MAP2: variants seen among roughly 807,000 people sequenced by gnomAD.
The protein encoded by MAP2 is microtubule associated protein 2, also known as microtubule-associated protein 2.
Under a neutral mutation model 137.6 loss-of-function variants are expected in MAP2, and 14 were observed. The ratio of observed to expected loss-of-function variants is 0.10; its 90% CI spans 0.07 to 0.16. MAP2 has a LOEUF of 0.16. Among genes scored for constraint, MAP2 ranks in the 10% least tolerant of loss-of-function variants. MAP2 has a pLI of 1.00. For synonymous variants in MAP2, 786 were observed against 782.3 expected, an observed-to-expected ratio of 1.00 and a Z score of -0.08; for missense variants, 2,088 against 2,191.5, an observed-to-expected ratio of 0.95 and a Z score of 0.94.
At chr2:209,637,039 A>G (rs965424311) in intron 4 of MAP2, among the ~76,000 whole-genome samples, 3 of 152,156 alleles carry the variant, frequency 2.0e-5, no homozygotes, top group Non-Finnish European at 4.4e-5. Context: ...TCTAAAAATC[A>G]CAGAATGCCA....
At chr2:209,704,123 C>G (rs1256691598) in intron 11 of MAP2, 1 of 449,020 alleles carries the variant, frequency 2.2e-6, no homozygotes, top group Non-Finnish European at 4.4e-6. Context: ...ATCCTTCCCC[C>G]ACTTTTGGAG....
chr2:209,675,803 A>G (rs1197835494), intron 5 of MAP2, among the ~76,000 whole-genome samples: 4 of 151,872 alleles, frequency 2.6e-5, no homozygotes, highest in Non-Finnish European at 5.9e-5. Flanking sequence ...AAAAAAGAAT[A>G]CATATAAAAC....
chr2:209,504,098 GA>G (rs770236091), intron 1 of MAP2, among the ~76,000 whole-genome samples: 232 of 133,922 alleles, frequency 1.7e-3, no homozygotes, highest in East Asian at 2.2e-3. Context: ...CCTGTCTCTG[GA>G]AAAAAAAAAA....
At chr2:209,432,011 G>A (rs1401881132) in intron 1 of MAP2, among the ~76,000 whole-genome samples, 1 of 152,136 alleles carries the variant, frequency 6.6e-6, no homozygotes, top group Non-Finnish European at 1.5e-5. Context: ...GCCCAGACTT[G>A]GAAAGCCAAT....
intron 4 of MAP2, among the ~76,000 whole-genome samples, chr2:209,646,402 GA>G (rs2094426210): frequency 6.6e-6 from 1 of 152,084 alleles, no homozygotes; most frequent in African/African-American, 2.4e-5. Context: ...TCTTAACACA[GA>G]AAAAGAGGAA....
chr2:209,705,622 A>C lies in MAP2; in HGVS notation c.4627A>C (p.Arg1543=), dbSNP rs745501363. The C allele has an allele frequency of 2.5e-6, 4 of 1,612,824 alleles. No homozygotes were observed. The highest frequency in any genetic ancestry group is 3.4e-6 in the Non-Finnish European group (4 of 1,179,250). The part of the protein sequence containing the change: ...KSPEKRSSLP[R]PSSILPPRRG... Reference sequence around the variant, plus strand: ...CCCAGAAAAGCGCTCTTCTCTCCCAAGACCTTCCTCCATTCTCCCTCCTCG... The same window carrying C: ...CCCAGAAAAGCGCTCTTCTCTCCCACGACCTTCCTCCATTCTCCCTCCTCG... Residue 1543 remains arginine, a synonymous_variant, in exon 12 of 16, where the codon AGA becomes CGA. Transcript: ENST00000682079.
At chr2:209,703,237 A>G (rs2062298591) in intron 11 of MAP2, among the ~76,000 whole-genome samples, 1 of 152,170 alleles carries the variant, frequency 6.6e-6, no homozygotes, top group African/African-American at 2.4e-5. Flanking sequence ...TATAAAATGA[A>G]CAAATTATAT....
intron 1 of MAP2, among the ~76,000 whole-genome samples, chr2:209,431,528 G>A (rs1694281161): frequency 6.6e-6 from 1 of 152,160 alleles, no homozygotes; most frequent in African/African-American, 2.4e-5. Flanking sequence ...GAGAATGTTT[G>A]ATGGGGAAAA....
intron 13 of MAP2, chr2:209,723,558 A>T: frequency 8.0e-7 from 1 of 1,248,162 alleles, no homozygotes; most frequent in South Asian, 1.2e-5. Flanking sequence ...ATCTTGATAG[A>T]AAAATGCACA....
rs2075786343 is a variant in MAP2 at position 209,731,623 on chromosome 2, T to A, written c.*1226T>A. ...AAACCGACTTAAGATTTTTTCTTTA[T>A]TTTTCTTTTTTTTTCCATTTGCTAA... is the stretch of plus-strand genomic sequence containing the variant. On this transcript the variant is annotated 3_prime_UTR_variant, in exon 16 of 16. Transcript: ENST00000682079. 1 of 152,604 alleles carries A rather than the reference T, an allele frequency of 6.6e-6. No homozygotes were observed. The highest frequency in any genetic ancestry group is 6.6e-5 in the Admixed American group (1 of 15,264). The allele number at this position is 152,604 out of a possible 1,614,324, so 9.5% of individuals were successfully genotyped here.
At chr2:209,497,633 G>A (rs535712179) in intron 1 of MAP2, among the ~76,000 whole-genome samples, 11 of 152,260 alleles carry the variant, frequency 7.2e-5, no homozygotes, top group Admixed American at 5.9e-4. Context: ...GAGGACTCAG[G>A]GAGCTTTTTC....
At chr2:209,713,733 T>C (rs560098537) in intron 13 of MAP2, among the ~76,000 whole-genome samples, 17 of 152,328 alleles carry the variant, frequency 1.1e-4, no homozygotes, top group African/African-American at 4.1e-4. Flanking sequence ...TCTAAACACG[T>C]AGCATAAAAA....
rs767049779 is a variant in MAP2 at position 209,694,768 on chromosome 2, C to T, written c.2598C>T (p.Asp866=). Residue 866 remains aspartate (D), a synonymous_variant, in exon 8 of 16, where the codon GAC becomes GAT. Transcript: ENST00000682079. The part of the protein sequence containing the change: ...VIVKTDSQLE[D]LGYCVFNKYT... ...TAAAAACGGACAGTCAGCTCGAAGA[C>T]CTGGGCTACTGTGTGTTCAATAAGT... is the stretch of plus-strand genomic sequence containing the variant. The T allele has an allele frequency of 4.3e-6, 7 of 1,614,040 alleles. No individual in the cohort carries two copies. The East Asian group carries it at 1.3e-4, about 31-fold the overall frequency.
intron 3 of MAP2, among the ~76,000 whole-genome samples, chr2:209,592,044 TC>T (rs2079396492): frequency 6.6e-6 from 1 of 152,188 alleles, no homozygotes; most frequent in Non-Finnish European, 1.5e-5. Context: ...CTCCTGCTTT[TC>T]AAGTGAAAAT....
intron 14 of MAP2, among the ~76,000 whole-genome samples, chr2:209,727,691 A>G (rs2153815879): frequency 6.6e-6 from 1 of 152,332 alleles, no homozygotes; most frequent in African/African-American, 2.4e-5. Flanking sequence ...ACACTGAAAT[A>G]TCTGTTCTTC....
intron 2 of MAP2, among the ~76,000 whole-genome samples, chr2:209,525,366 T>C (rs1254397051): frequency 2.0e-5 from 3 of 152,188 alleles, no homozygotes; most frequent in African/African-American, 4.8e-5. Flanking sequence ...AAACTTGATA[T>C]AGTCTATACC....
At chr2:209,636,569 A>G (rs1002652905) in intron 4 of MAP2, among the ~76,000 whole-genome samples, 1 of 150,308 alleles carries the variant, frequency 6.7e-6, no homozygotes. Flanking sequence ...TATATTATAT[A>G]TATATATATA....
intron 5 of MAP2, among the ~76,000 whole-genome samples, chr2:209,677,335 G>A (rs1420337944): frequency 6.6e-6 from 1 of 151,888 alleles, no homozygotes; most frequent in African/African-American, 2.4e-5. Context: ...CATGGTCTAT[G>A]AGATATATAG....
intron 1 of MAP2, among the ~76,000 whole-genome samples, chr2:209,506,428 A>G (rs932002966): frequency 1.3e-5 from 2 of 152,202 alleles, no homozygotes; most frequent in Non-Finnish European, 2.9e-5. Flanking sequence ...CATTTCTAAC[A>G]TGTAGAAGAA....
Sources: gnomAD v4.1 joint callset for allele counts (sites outside exome capture counted in the v4.1 genomes callset) on GRCh38, gnomAD v4.1.1 for gene constraint, MANE v1.5 for transcripts, NCBI Gene and HGNC (gene_info 2026-07-23, HGNC 2026-07-21) for gene names.